Variants in SMARCAD1 observed in about 807,000 individuals in gnomAD.
The protein encoded by SMARCAD1 is SNF2 related chromatin remodeling ATPase with DExD box 1.
A neutral mutation model predicts 127.1 loss-of-function variants in SMARCAD1; 25 were observed. That is an observed-to-expected ratio of 0.20 (90% CI 0.14 to 0.27). SMARCAD1 has a LOEUF of 0.27. SMARCAD1 is among the 10% of genes least tolerant of loss of function. SMARCAD1 has a pLI of 1.00. For missense variants in SMARCAD1, 807 were observed against 1,206.0 expected, an observed-to-expected ratio of 0.67 and a Z score of 4.90; for synonymous variants, 400 against 396.9, an observed-to-expected ratio of 1.01 and a Z score of -0.09.
chr4:94,273,487 T>C (rs1752836032), intron 11 of SMARCAD1, 130 bp from the exon 12 acceptor site: 3 of 672,920 alleles, frequency 4.5e-6, no homozygotes, highest in Non-Finnish European at 7.8e-6. Flanking sequence ...TAGTAGAAAT[T>C]CCTTTAGAGT....
In SMARCAD1 at chr4:94,284,940, T is replaced by C; in HGVS notation, c.2910-20T>C. On this transcript the variant is annotated intron_variant, in intron 22 of 23. Coordinates refer to ENST00000354268, the MANE Select transcript of SMARCAD1 (RefSeq NM_020159.5). ...AACTATATTTAGTAACCAATGGACA[T>C]ATTTTGTATTTTTTTTTAGAGAAGT... The C allele has an allele frequency of 7.3e-7, 1 of 1,370,748 alleles. No individual in the cohort carries two copies. The highest frequency in any genetic ancestry group is 1.0e-6 in the Non-Finnish European group (1 of 958,764). 84.9% of individuals were successfully genotyped at this position (1,370,748 alleles called of 1,614,324 possible).
rs1752443881 is a variant in SMARCAD1 at position 94,270,833 on chromosome 4, T to G, written c.1572+15T>G. Reference sequence around the variant, plus strand: ...CAGATGAAATGGTAAGTGTACTTTATTTCTAAGATTTGTTGTTGAAAGTGT... The same window carrying G: ...CAGATGAAATGGTAAGTGTACTTTAGTTCTAAGATTTGTTGTTGAAAGTGT... On this transcript the variant is annotated intron_variant, in intron 11 of 23. Transcript: ENST00000354268. The G allele has an allele frequency of 1.2e-6, 2 of 1,605,092 alleles. No individual in the cohort carries two copies. Among genetic ancestry groups the G allele is most frequent in the South Asian group, 2.2e-5 (2 of 90,900 alleles).
At chr4:94,225,794 T>C (rs1234250225) in intron 2 of SMARCAD1, among the ~76,000 whole-genome samples, 4 of 152,190 alleles carry the variant, frequency 2.6e-5, no homozygotes, top group African/African-American at 4.8e-5. Context: ...TTGGAATCTT[T>C]TGGGCTGTGG....
intron 23 of SMARCAD1, among the ~76,000 whole-genome samples, chr4:94,285,706 T>C (rs1016589313): frequency 3.3e-5 from 5 of 152,208 alleles, no homozygotes; most frequent in Admixed American, 2.0e-4. Flanking sequence ...TAATTACTAG[T>C]CTTTCTTGCG....
At chr4:94,277,734 C>T (rs1398432112) in intron 16 of SMARCAD1, among the ~76,000 whole-genome samples, 1 of 152,198 alleles carries the variant, frequency 6.6e-6, no homozygotes, top group Non-Finnish European at 1.5e-5. Flanking sequence ...ATTCTTGGCT[C>T]TCTTCCACAT....
intron 2 of SMARCAD1, among the ~76,000 whole-genome samples, chr4:94,221,363 T>C (rs947249624): frequency 6.6e-6 from 1 of 152,186 alleles, no homozygotes; most frequent in Non-Finnish European, 1.5e-5. Flanking sequence ...GAATGCAAAA[T>C]GTTTTTTCGT....
At chr4:94,218,801 T>G (rs1370696276) in intron 2 of SMARCAD1, among the ~76,000 whole-genome samples, 1 of 152,088 alleles carries the variant, frequency 6.6e-6, no homozygotes, top group African/African-American at 2.4e-5. Context: ...ACAGATTTTA[T>G]AGTCTATTGT....
intron 2 of SMARCAD1, among the ~76,000 whole-genome samples, chr4:94,209,626 C>T (rs944236020): frequency 2.6e-5 from 4 of 152,172 alleles, no homozygotes; most frequent in Non-Finnish European, 5.9e-5. Context: ...GGCAGATCCT[C>T]TGCAAGTTAT....
chr4:94,282,678 A>G (rs1754279054), intron 21 of SMARCAD1, among the ~76,000 whole-genome samples: 2 of 151,696 alleles, frequency 1.3e-5, no homozygotes, highest in Admixed American at 6.6e-5. Flanking sequence ...TCCCACCCGC[A>G]TTAGACTAAA....
At chr4:94,276,985 A>G (rs763301208) in intron 15 of SMARCAD1, 37 bp from the exon 16 acceptor site, 1 of 1,612,906 alleles carries the variant, frequency 6.2e-7, no homozygotes, top group Non-Finnish European at 8.5e-7. Flanking sequence ...GTGGCTCTTT[A>G]AGAAAAAGCT....
At chr4:94,224,482 T>C (rs1011811176) in intron 2 of SMARCAD1, among the ~76,000 whole-genome samples, 3 of 152,312 alleles carry the variant, frequency 2.0e-5, no homozygotes, top group African/African-American at 7.2e-5. Flanking sequence ...TACACCAAGT[T>C]TGTGCGTAAA....
intron 9 of SMARCAD1, among the ~76,000 whole-genome samples, chr4:94,253,928 T>TA (rs1230578329): frequency 1.3e-5 from 2 of 152,306 alleles, no homozygotes; most frequent in South Asian, 4.1e-4. Flanking sequence ...TGATGCTTTA[T>TA]AAAATTTTTT....
Position 94,278,945 on chromosome 4 carries a change from G to A in SMARCAD1, c.2313G>A (p.Met771Ile), listed in dbSNP as rs1344491826. 1.2e-6 allele frequency: 2 copies of A among 1,613,976 alleles called. No homozygotes were observed. The highest frequency in any genetic ancestry group is 1.1e-5 in the South Asian group (1 of 91,062). Residue 771 changes from methionine (M) to isoleucine (I), a missense_variant, in exon 19 of 24, where the codon ATG becomes ATA. Met to Ile is a conservative substitution (Grantham distance 10). This residue lies in a region of SMARCAD1 where 99 missense variants were observed against 126.0 expected (regional missense o/e 0.79). Transcript: ENST00000354268. ...GAGTCACAGAAAAAAACACAGAAAT[G>A]TGCAATGTCATGATGCAGTTGAGGA... ...SINNLEKNTE[M>I]CNVMMQLRKM...
At chr4:94,251,473 A>G (rs1291590776) in intron 8 of SMARCAD1, among the ~76,000 whole-genome samples, 2 of 152,268 alleles carry the variant, frequency 1.3e-5, no homozygotes, top group East Asian at 1.9e-4. Context: ...AAAAGGCTAT[A>G]CTACCAATAC....
At position 94,268,756 on chromosome 4, in the gene SMARCAD1, C is replaced by G. The variant is rs79462540; in HGVS notation, c.1482-1972C>G. ...CAGTGAACTTCTCATCTGTAAAATG[C>G]AGATAATTAATATTTCCTATTTTTA... On this transcript the variant is annotated intron_variant, in intron 10 of 23. Coordinates refer to ENST00000354268, the MANE Select transcript of SMARCAD1 (RefSeq NM_020159.5). 0.012 allele frequency among the ~76,000 whole-genome samples: 1,843 copies of G among 152,160 alleles called. 94 individuals are homozygous for G. In the East Asian group the frequency reaches 0.16, roughly 14 times the overall value.
chr4:94,208,894 A>G (rs935347712), intron 2 of SMARCAD1, among the ~76,000 whole-genome samples: 2 of 152,176 alleles, frequency 1.3e-5, no homozygotes, highest in African/African-American at 4.8e-5. Flanking sequence ...ATTCAGTCCT[A>G]TGATAAACTT....
chr4:94,243,600 C>G (rs1263282984), intron 6 of SMARCAD1, among the ~76,000 whole-genome samples: 2 of 152,196 alleles, frequency 1.3e-5, no homozygotes, highest in African/African-American at 4.8e-5. Flanking sequence ...TGAATTTATT[C>G]CAGTGTTAAT....
intron 19 of SMARCAD1, 59 bp downstream of exon 19, chr4:94,279,109 A>C: frequency 6.2e-7 from 1 of 1,608,592 alleles, no homozygotes; most frequent in Non-Finnish European, 8.5e-7. Flanking sequence ...TTGTTAGGCT[A>C]TAAGATTGGT....
chr4:94,224,277 A>G (rs113383464), intron 2 of SMARCAD1, among the ~76,000 whole-genome samples: 51 of 152,314 alleles, frequency 3.3e-4, no homozygotes, highest in African/African-American at 8.9e-4. Context: ...AAATAGAGAA[A>G]TGTTTGTGTT....
Sources: gnomAD v4.1 joint callset for allele counts (sites outside exome capture counted in the v4.1 genomes callset) on GRCh38, gnomAD v4.1.1 for gene constraint, gnomAD v4.1.1 regional missense constraint, MANE v1.5 for transcripts, NCBI Gene and HGNC (gene_info 2026-07-23, HGNC 2026-07-21) for gene names.